The following GRM4 variants were observed in gnomAD, a reference collection of about 807,000 sequenced individuals.
GRM4 encodes the protein metabotropic glutamate receptor 4.
In GRM4, 28 loss-of-function variants were observed where a neutral mutation model predicts 81.7. The observed-to-expected ratio is 0.34, with a 90% CI of 0.25 to 0.47. GRM4 has a LOEUF of 0.47. Among genes scored for constraint, GRM4 ranks in the 20% least tolerant of loss-of-function variants. The pLI, the probability that GRM4 is intolerant of heterozygous loss-of-function variation, is 1.00. For synonymous variants in GRM4, 488 were observed against 528.8 expected, an observed-to-expected ratio of 0.92 and a Z score of 1.06; for missense variants, 948 against 1,290.0, an observed-to-expected ratio of 0.73 and a Z score of 4.06.
chr6:34,106,960 T>G (rs1284018350), intron 2 of GRM4, among the ~76,000 whole-genome samples: 1 of 152,254 alleles, frequency 6.6e-6, no homozygotes, highest in African/African-American at 2.4e-5. Context: ...ACTCCTGGCC[T>G]GGTGTGGATG....
At chr6:34,039,915 G>C (rs1177328159) in intron 8 of GRM4, among the ~76,000 whole-genome samples, 4 of 152,000 alleles carry the variant, frequency 2.6e-5, no homozygotes, top group Non-Finnish European at 5.9e-5. Context: ...CTCCTCAGTG[G>C]GTAGCAGGCA....
intron 2 of GRM4, among the ~76,000 whole-genome samples, chr6:34,131,226 C>A (rs927690138): frequency 2.0e-5 from 3 of 152,218 alleles, no homozygotes; most frequent in Non-Finnish European, 2.9e-5. Context: ...ACACAGCCCC[C>A]GGGGATTGTT....
intron 3 of GRM4, among the ~76,000 whole-genome samples, chr6:34,077,554 T>A (rs1767378230): frequency 6.6e-6 from 1 of 152,062 alleles, no homozygotes; most frequent in Non-Finnish European, 1.5e-5. Flanking sequence ...CCCTCACACC[T>A]TCAGTGGCTC....
intron 3 of GRM4, among the ~76,000 whole-genome samples, chr6:34,081,102 TAA>T (rs913887636): frequency 5.8e-4 from 88 of 152,040 alleles, no homozygotes; most frequent in African/African-American, 2.1e-3. Context: ...ATTCTCCACT[TAA>T]AAGGAGGACT....
At position 34,125,219 on chromosome 6, in the gene GRM4, C is replaced by T. The variant is rs531820235; in HGVS notation, c.519+7759G>A. Reference sequence around the variant, plus strand: ...CGATCTCCTGACCTCGTGATCCGCCCGCCTTGGCTTCCCAAAGGACGCTTA... The same window carrying T: ...CGATCTCCTGACCTCGTGATCCGCCTGCCTTGGCTTCCCAAAGGACGCTTA... On this transcript the variant is annotated intron_variant, in intron 2 of 10. Transcript: ENST00000538487. 5.3e-5 allele frequency among the ~76,000 whole-genome samples: 8 copies of T among 152,312 alleles called. No homozygotes were observed. In the South Asian group the frequency reaches 1.0e-3, roughly 20 times the overall value.
chr6:34,114,531 G>T lies in GRM4; in HGVS notation c.519+18447C>A, dbSNP rs1412284162. ...AGCAGGCACCATCCTGCAGGATCAAGTCCACCTTCTTGACCTAAGCCCCCC... is the reference window on the plus strand; with the variant it reads ...AGCAGGCACCATCCTGCAGGATCAATTCCACCTTCTTGACCTAAGCCCCCC... On this transcript the variant is annotated intron_variant, in intron 2 of 10. Coordinates refer to ENST00000538487, the MANE Select transcript of GRM4 (RefSeq NM_000841.4). This position sits in a 1 kb window ranked among gnomAD's most constrained non-coding sequence, Gnocchi z 4.3. Among the ~76,000 whole-genome samples, 1 of 151,986 alleles carries T rather than the reference G, an allele frequency of 6.6e-6. No individual in the cohort carries two copies. Among genetic ancestry groups the T allele is most frequent in the African/African-American group, 2.4e-5 (1 of 41,334 alleles).
chr6:34,150,159 C>T (rs1024719951), upstream of GRM4, among the ~76,000 whole-genome samples: 3 of 151,630 alleles, frequency 2.0e-5, no homozygotes, highest in African/African-American at 7.3e-5. Context: ...GTACACAGCG[C>T]ATTTGTACCT....
Position 34,080,470 on chromosome 6 carries a change from TG to T in GRM4, c.736+11412del, listed in dbSNP as rs1767527343. 6.6e-6 allele frequency among the ~76,000 whole-genome samples: 1 copy of T among 152,236 alleles called. No homozygotes were observed. The highest frequency in any genetic ancestry group is 2.1e-4 in the South Asian group (1 of 4,832). On this transcript the variant is annotated intron_variant, in intron 3 of 10. Coordinates refer to ENST00000538487, the MANE Select transcript of GRM4 (RefSeq NM_000841.4). This position sits in a 1 kb window ranked among gnomAD's most constrained non-coding sequence, Gnocchi z 5.4. ...AGTCCACGGCCGTACCCCAGTGTCC[TG>T]GTCCAATGCCTGGCACATAGTCAGT...
intron 5 of GRM4, 89 bp downstream of exon 5, chr6:34,058,885 G>C: frequency 1.0e-6 from 1 of 993,600 alleles, no homozygotes; most frequent in East Asian, 2.5e-5. Context: ...TATGGAAAGA[G>C]GCGGAGCAGA....
chr6:34,048,062 C>T lies in GRM4; in HGVS notation c.1169-7314G>A, dbSNP rs1765438815. 6.6e-6 allele frequency among the ~76,000 whole-genome samples: 1 copy of T among 152,184 alleles called. No individual in the cohort carries two copies. The highest frequency in any genetic ancestry group is 2.4e-5 in the African/African-American group (1 of 41,452). ...AGCCGTGTCTCTCAGACTGGGAGAG[C>T]TCACTTGGGGATGGCCATCAACATG... On this transcript the variant is annotated intron_variant, in intron 6 of 10. Transcript: ENST00000538487. The surrounding 1 kb of genome is among the most constrained non-coding windows in gnomAD (Gnocchi z 4.0).
rs1218642508 is a variant in GRM4, at chr6:34,090,109, C to A, written c.736+1774G>T. On this transcript the variant is annotated intron_variant, in intron 3 of 10. Coordinates refer to ENST00000538487, the MANE Select transcript of GRM4 (RefSeq NM_000841.4). The surrounding 1 kb of genome is among the most constrained non-coding windows in gnomAD (Gnocchi z 5.2). ...CTGCAAAATGGGGATGAGGCAGCAT[C>A]TACCTCGTAGGGCAGGAAGGACTGC... 1.3e-5 allele frequency among the ~76,000 whole-genome samples: 2 copies of A among 152,208 alleles called. No individual in the cohort carries two copies. Among genetic ancestry groups the A allele is most frequent in the African/African-American group, 2.4e-5 (1 of 41,448 alleles).
At chr6:34,113,939 C>A (rs989145387) in intron 2 of GRM4, among the ~76,000 whole-genome samples, 2 of 152,190 alleles carry the variant, frequency 1.3e-5, no homozygotes, top group Non-Finnish European at 2.9e-5. Context: ...CCCCTCTGAG[C>A]AACCCCCTTG....
At chr6:34,075,938 G>A (rs1253039976) in intron 3 of GRM4, among the ~76,000 whole-genome samples, 3 of 152,190 alleles carry the variant, frequency 2.0e-5, no homozygotes, top group Non-Finnish European at 4.4e-5. Context: ...ATTCACCCCA[G>A]ATACCCTGGG....
At chr6:34,148,405 C>G (rs2483212), upstream of GRM4, among the ~76,000 whole-genome samples, 1 of 2,848 alleles carries the variant, frequency 3.5e-4, no homozygotes, top group South Asian at 0.038. Flanking sequence ...GAGACACACA[C>G]ACAGACACAT....
Position 34,120,130 on chromosome 6 carries a change from G to C in GRM4, c.519+12848C>G, listed in dbSNP as rs77723646. ...AATGACCAAAGATTTTGCATCTGTGGGGTTGAAGGGTAAGCCAGGCCTGGG... is the reference window on the plus strand; with the variant it reads ...AATGACCAAAGATTTTGCATCTGTGCGGTTGAAGGGTAAGCCAGGCCTGGG... On this transcript the variant is annotated intron_variant, in intron 2 of 10. Coordinates refer to ENST00000538487, the MANE Select transcript of GRM4 (RefSeq NM_000841.4). Among the ~76,000 whole-genome samples, 1,266 of 152,290 alleles carry C rather than the reference G, an allele frequency of 8.3e-3. 11 individuals carry two copies. The highest frequency in any genetic ancestry group is 0.028 in the African/African-American group (1,184 of 41,570).
chr6:34,045,029 A>C (rs1334927636), intron 6 of GRM4, among the ~76,000 whole-genome samples: 1 of 151,452 alleles, frequency 6.6e-6, no homozygotes, highest in East Asian at 1.9e-4. Flanking sequence ...ACACACACAC[A>C]CCCCCACCAC....
Position 34,019,783 on chromosome 6 carries a change from C to T in GRM4, c.*3038G>A, listed in dbSNP as rs1392284506. 1 of 152,162 alleles carries T rather than the reference C, an allele frequency of 6.6e-6. No homozygotes were observed. Among genetic ancestry groups the T allele is most frequent in the Non-Finnish European group, 1.5e-5 (1 of 68,032 alleles). 9.4% of individuals were successfully genotyped at this position (152,162 alleles called of 1,614,324 possible). A position where few individuals can be genotyped will look rare whatever the true frequency, so the allele number is the denominator to read the frequency against. ...TCTGAAGATACTTAGCAGCTTTCTC[C>T]AGTCATTAATAATTGAGGATGAGAG... On this transcript the variant is annotated 3_prime_UTR_variant, in exon 11 of 11. Coordinates refer to ENST00000538487, the MANE Select transcript of GRM4 (RefSeq NM_000841.4).
intron 6 of GRM4, 119 bp downstream of exon 6, chr6:34,056,425 C>A: frequency 1.1e-6 from 1 of 909,596 alleles, no homozygotes; most frequent in African/African-American, 1.7e-5. Context: ...CCCAACTGCA[C>A]GTCCTGCCAC....
intron 8 of GRM4, among the ~76,000 whole-genome samples, chr6:34,037,256 T>C (rs954112734): frequency 2.0e-5 from 3 of 152,242 alleles, no homozygotes; most frequent in Non-Finnish European, 4.4e-5. Flanking sequence ...TCTAAATTAG[T>C]GCTACCCACA....
Sources: gnomAD v4.1 joint callset for allele counts (sites outside exome capture counted in the v4.1 genomes callset) on GRCh38, gnomAD v4.1.1 for gene constraint, Gnocchi (gnomAD v3.1) non-coding constraint, MANE v1.5 for transcripts, NCBI Gene and HGNC (gene_info 2026-07-23, HGNC 2026-07-21) for gene names.